The following MSH6 variants were observed in gnomAD, a reference collection of about 807,000 sequenced individuals.
MSH6 encodes DNA mismatch repair protein Msh6.
MSH6 carries 85 observed loss-of-function variants against 119.1 expected under a neutral mutation model. The ratio of observed to expected loss-of-function variants is 0.71; its 90% CI spans 0.60 to 0.85. MSH6 has a LOEUF of 0.85. MSH6 is among the 40% of genes least tolerant of loss of function. The pLI is 0.00. For synonymous variants in MSH6, 830 were observed against 586.9 expected, an observed-to-expected ratio of 1.41 and a Z score of -5.99; for missense variants, 2,163 against 1,655.3, an observed-to-expected ratio of 1.31 and a Z score of -5.32.
rs760391254 is a variant in MSH6 at position 47,805,680 on chromosome 2, C to G, written c.3619C>G (p.His1207Asp). Residue 1207 changes from histidine (H) to aspartate (D), a missense_variant, in exon 7 of 10, where the codon CAT becomes GAT. Coordinates refer to ENST00000234420, the MANE Select transcript of MSH6 (RefSeq NM_000179.3). ...TASILMHATAHSLVLVDELGR... is the reference protein window; with the variant it reads ...TASILMHATADSLVLVDELGR... Reference sequence around the variant, plus strand: ...CAGCATACTCATGCATGCAACAGCACATTCTCTGGTGCTTGTGGATGAATT... The same window carrying G: ...CAGCATACTCATGCATGCAACAGCAGATTCTCTGGTGCTTGTGGATGAATT... The G allele has an allele frequency of 8.1e-6, 13 of 1,612,640 alleles. No individual in the cohort carries two copies. The highest frequency in any genetic ancestry group is 2.7e-5 in the African/African-American group (2 of 74,802).
In MSH6 at chr2:47,806,871, T is replaced by C. The variant is rs757708396; in HGVS notation, c.*11T>C. ...ATTAAGGAATTATAGACTGACTACA[T>C]TGGAAGCTTTGAGTTGACTTCTGAC... is the stretch of plus-strand genomic sequence containing the variant. On this transcript the variant is annotated 3_prime_UTR_variant, in exon 10 of 10. Coordinates refer to ENST00000234420, the MANE Select transcript of MSH6 (RefSeq NM_000179.3). The C allele has an allele frequency of 2.0e-5, 32 of 1,594,524 alleles. No homozygotes were observed. The highest frequency in any genetic ancestry group is 2.7e-5 in the African/African-American group (2 of 74,472).
Position 47,800,199 on chromosome 2 carries a change from C to T in MSH6, c.2216C>T (p.Thr739Ile), listed in dbSNP as rs1553413583. Residue 739 changes from threonine (T) to isoleucine (I), a missense_variant, in exon 4 of 10, where the codon ACA becomes ATA. By Grantham distance (89) the Thr-to-Ile change is moderately conservative (BLOSUM62 -1). Transcript: ENST00000234420. ...AYQRMVLDAVTLNNLEIFLNG... is the reference protein window; with the variant it reads ...AYQRMVLDAVILNNLEIFLNG... ...CAACGAATGGTGCTAGATGCAGTGA[C>T]ATTAAACAACTTGGAGATTTTTCTG... is the stretch of plus-strand genomic sequence containing the variant. 2 of 1,614,138 alleles carry T rather than the reference C, an allele frequency of 1.2e-6. No homozygotes were observed. Among genetic ancestry groups the T allele is most frequent in the South Asian group, 2.2e-5 (2 of 91,086 alleles).
downstream of MSH6, chr2:47,808,917 G>C (rs1006973586): frequency 1.6e-5 from 6 of 369,008 alleles, no homozygotes; most frequent in African/African-American, 6.4e-5. Context: ...GGCTGGTTTA[G>C]AACTCCTGGG....
chr2:47,802,666 G>T (rs1669673194), intron 4 of MSH6, among the ~76,000 whole-genome samples: 1 of 146,904 alleles, frequency 6.8e-6, no homozygotes. Flanking sequence ...TTAAATAATG[G>T]TAGTTTACTT....
At chr2:47,785,473 C>A (rs1280956044) in intron 1 of MSH6, among the ~76,000 whole-genome samples, 1 of 152,004 alleles carries the variant, frequency 6.6e-6, no homozygotes, top group Non-Finnish European at 1.5e-5. Context: ...CCACTTCAGC[C>A]TCCCAAAGTG....
At chr2:47,790,235 A>G (rs1668645101) in intron 1 of MSH6, among the ~76,000 whole-genome samples, 1 of 152,218 alleles carries the variant, frequency 6.6e-6, no homozygotes, top group Non-Finnish European at 1.5e-5. Flanking sequence ...GAGCCTGGCC[A>G]ACATGGCAAA....
chr2:47,794,890 G>A (rs1355635039), intron 2 of MSH6, among the ~76,000 whole-genome samples: 1 of 152,018 alleles, frequency 6.6e-6, no homozygotes, highest in Non-Finnish European at 1.5e-5. Context: ...TGCCTCCCGG[G>A]TTCAAGTGAT....
intron 2 of MSH6, among the ~76,000 whole-genome samples, chr2:47,791,603 A>G (rs534365143): frequency 6.6e-6 from 1 of 152,136 alleles, no homozygotes; most frequent in Non-Finnish European, 1.5e-5. Context: ...CACAGACATC[A>G]ACAGCCTGGC....
At position 47,788,246 on chromosome 2, in the gene MSH6, C is replaced by CTTTTTT. The variant is rs560110301; in HGVS notation, c.261-2660_261-2655dup. 1.9e-3 allele frequency among the ~76,000 whole-genome samples: 170 copies of CTTTTTT among 90,056 alleles called. 7 individuals are homozygous for CTTTTTT. The highest frequency in any genetic ancestry group is 5.5e-3 in the African/African-American group (114 of 20,714). 59.1% of individuals were successfully genotyped at this position (90,056 alleles called of 152,430 possible). The stretch of plus-strand genomic sequence containing the variant: ...ATTTCTTTTCTTTCATTCTTTCTTT[C>CTTTTTT]TTTTTTTTTTTTTTTTTTTTTTTTT... On this transcript the variant is annotated intron_variant, in intron 1 of 9. Transcript: ENST00000234420.
At chr2:47,786,623 C>T (rs3136252) in intron 1 of MSH6, among the ~76,000 whole-genome samples, 4 of 152,138 alleles carry the variant, frequency 2.6e-5, no homozygotes, top group East Asian at 1.9e-4. Context: ...CGTGAACCAC[C>T]GCACCTGGCC....
Position 47,806,315 on chromosome 2 carries a change from T to G in MSH6, c.3758T>G (p.Val1253Gly), listed in dbSNP as rs202066386. ...TLFSTHYHSLVEDYSQNVAVR... is the reference protein window; with the variant it reads ...TLFSTHYHSLGEDYSQNVAVR... Reference sequence around the variant, plus strand: ...TTTTCAACTCACTACCATTCATTAGTAGAAGATTATTCTCAAAATGTTGCT... The same window carrying G: ...TTTTCAACTCACTACCATTCATTAGGAGAAGATTATTCTCAAAATGTTGCT... The change falls in exon 8 of 10, where the codon GTA (valine) becomes GGA (glycine). Residue 1253 changes from valine to glycine, a missense_variant. Val to Gly is a moderately radical substitution (Grantham distance 109). Coordinates refer to ENST00000234420, the MANE Select transcript of MSH6 (RefSeq NM_000179.3). The G allele has an allele frequency of 6.2e-7, 1 of 1,614,038 alleles. No individual in the cohort carries two copies. The highest frequency in any genetic ancestry group is 8.5e-7 in the Non-Finnish European group (1 of 1,180,004).
intron 1 of MSH6, chr2:47,784,382 G>A: frequency 4.9e-6 from 2 of 406,390 alleles, no homozygotes; most frequent in Non-Finnish European, 6.6e-6. Flanking sequence ...TTAATCGGGC[G>A]CTGGACAAAG....
intron 5 of MSH6, among the ~76,000 whole-genome samples, chr2:47,804,468 T>G (rs1572737388): frequency 2.0e-5 from 3 of 151,952 alleles, no homozygotes; most frequent in African/African-American, 7.3e-5. Flanking sequence ...AGAGGCAGTA[T>G]AGTGTGTATA....
At chr2:47,803,843 T>C (rs1266445240) in intron 5 of MSH6, among the ~76,000 whole-genome samples, 158 bp downstream of exon 5, 1 of 152,202 alleles carries the variant, frequency 6.6e-6, no homozygotes, top group Non-Finnish European at 1.5e-5. Context: ...AATTGAGAAT[T>C]ATATTTAGCT....
At position 47,800,174 on chromosome 2, in the gene MSH6, C is replaced by G. The variant is rs63751442; in HGVS notation, c.2191C>G (p.Gln731Glu). Residue 731 changes from glutamine to glutamate, a missense_variant, in exon 4 of 10, where the codon CAA becomes GAA. By Grantham distance (29) the Gln-to-Glu change is conservative (BLOSUM62 2). Coordinates refer to ENST00000234420, the MANE Select transcript of MSH6 (RefSeq NM_000179.3). ...RSGAIFTKAYQRMVLDAVTLN... is the reference protein window; with the variant it reads ...RSGAIFTKAYERMVLDAVTLN... The stretch of plus-strand genomic sequence containing the variant: ...TGGTGCTATCTTCACCAAAGCCTAT[C>G]AACGAATGGTGCTAGATGCAGTGAC... 1 of 1,614,158 alleles carries G rather than the reference C, an allele frequency of 6.2e-7. No individual in the cohort carries two copies. Among genetic ancestry groups the G allele is most frequent in the African/African-American group, 1.3e-5 (1 of 75,048 alleles).
At chr2:47,809,920 A>G (rs1294708757), downstream of MSH6, 2 of 536,356 alleles carry the variant, frequency 3.7e-6, no homozygotes, top group East Asian at 3.1e-5. Context: ...TTTCGCACCA[A>G]CCTAACTGTC....
chr2:47,806,656 C>CTAACTAACTATAATGGAATTA lies in MSH6; in HGVS notation c.4001+15_4001+35dup, dbSNP rs576893678. The CTAACTAACTATAATGGAATTA allele has an allele frequency of 4.4e-6, 7 of 1,599,784 alleles. No homozygotes were observed. The East Asian group carries it at 1.6e-4, about 36-fold the overall frequency. ...TCAGTCACTACGATTATTTCGGTAACTAACTAACTATAATGGAATTATAAC... is the reference window on the plus strand; with the variant it reads ...TCAGTCACTACGATTATTTCGGTAACTAACTAACTATAATGGAATTATAACTAACTATAATGGAATTATAAC... On this transcript the variant is annotated splice_donor_region_variant and intron_variant, in intron 9 of 9. Coordinates refer to ENST00000234420, the MANE Select transcript of MSH6 (RefSeq NM_000179.3).
intron 3 of MSH6, among the ~76,000 whole-genome samples, chr2:47,796,552 G>A (rs1669108382): frequency 6.6e-6 from 1 of 152,144 alleles, no homozygotes; most frequent in Non-Finnish European, 1.5e-5. Flanking sequence ...CCAGCTTTAT[G>A]CTTTTAATTC....
At position 47,783,488 on chromosome 2, in the gene MSH6, C is replaced by G. The variant is rs587779242; in HGVS notation, c.255C>G (p.Pro85=). The G allele has an allele frequency of 1.1e-5, 16 of 1,427,396 alleles. No homozygotes were observed. In the African/African-American group the frequency reaches 2.1e-4, roughly 19 times the overall value. The allele number at this position is 1,427,396 out of a possible 1,614,324, so 88.4% of individuals were successfully genotyped here. A position where few individuals can be genotyped will look rare whatever the true frequency, so the allele number is the denominator to read the frequency against. ...GLRRSVAPAA[P]TSCDFSPGDL... ...GGAGATCGGTAGCGCCTGCTGCCCC[C>G]ACCAGGTAGCGGGGTGGGGGTGGGG... The change falls in exon 1 of 10, where the codon CCC becomes CCG. Residue 85 remains proline (P), a synonymous_variant. Coordinates refer to ENST00000234420, the MANE Select transcript of MSH6 (RefSeq NM_000179.3).
Sources: allele counts gnomAD v4.1 joint callset (sites outside exome capture counted in the v4.1 genomes callset), GRCh38; gene constraint gnomAD v4.1.1; transcripts MANE v1.5; gene names NCBI Gene and HGNC (gene_info 2026-07-23, HGNC 2026-07-21).